The following NEMP2 variants were observed in gnomAD, a reference collection of about 807,000 sequenced individuals.
NEMP2 encodes UPF0571 transmembrane protein.
NEMP2 carries 53 observed loss-of-function variants against 54.2 expected under a neutral mutation model. The observed-to-expected ratio is 0.98, with a 90% CI of 0.78 to 1.23. The LOEUF is 1.23. Among genes scored for constraint, NEMP2 ranks in the 50% most tolerant of loss-of-function variants. The probability of loss-of-function intolerance (pLI) is 0.00; values close to 1 mark genes in which losing one functional copy is unlikely to be tolerated. For synonymous variants in NEMP2, 197 were observed against 190.3 expected (o/e 1.04, Z -0.29); for missense variants, 455 against 511.3 (o/e 0.89, Z 1.06).
chr2:190,641,192 A>G, the NEMP2 span: 1 of 151,948 alleles, frequency 6.6e-6, no homozygotes, highest in Admixed American at 6.6e-5. Flanking sequence ...CAAAATAGTT[A>G]TATCTACTTT....
chr2:190,433,950 G>T, the NEMP2 span, among the ~76,000 whole-genome samples: 4 of 152,122 alleles, frequency 2.6e-5, no homozygotes, highest in Non-Finnish European at 5.9e-5. This position sits in a 1 kb window ranked among gnomAD's most constrained non-coding sequence, Gnocchi z 4.5. Flanking sequence ...CAGCACTTTG[G>T]GAGGCTGAGG....
At chr2:190,442,415 TAGGTAGCCATAGCA>T in the NEMP2 span, among the ~76,000 whole-genome samples, 1 of 151,958 alleles carries the variant, frequency 6.6e-6, no homozygotes, top group African/African-American at 2.4e-5. Flanking sequence ...CTGGAGGCAG[TAGGTAGCCATAGCA>T]AGGTTCAAAG....
At chr2:190,501,341 C>G (rs1340482403), downstream of NEMP2, 1 of 152,146 alleles carries the variant, frequency 6.6e-6, no homozygotes, top group African/African-American at 2.4e-5. Flanking sequence ...TCAGTATATT[C>G]GTTCTCATGA....
chr2:190,534,405 G>C (rs906399385), intron 1 of NEMP2, 154 bp downstream of exon 1: 10 of 1,212,572 alleles, frequency 8.2e-6, no homozygotes, highest in Middle Eastern at 3.2e-4. Flanking sequence ...AGGGCGGGCG[G>C]GGCCTGCCCG....
chr2:190,500,468 T>C, downstream of NEMP2: 1 of 507,024 alleles, frequency 2.0e-6, no homozygotes, highest in Non-Finnish European at 3.5e-6. This position sits in a 1 kb window ranked among gnomAD's most constrained non-coding sequence, Gnocchi z 5.3. Context: ...CTTTCAGTTC[T>C]TTGCTTGGTT....
At chr2:190,429,548 G>A in the NEMP2 span, among the ~76,000 whole-genome samples, 2 of 151,856 alleles carry the variant, frequency 1.3e-5, no homozygotes, top group Non-Finnish European at 2.9e-5. Context: ...GCCTGGTTTC[G>A]AACTCTTGAT....
At chr2:190,566,488 C>T in the NEMP2 span, among the ~76,000 whole-genome samples, 2 of 151,914 alleles carry the variant, frequency 1.3e-5, no homozygotes, top group Admixed American at 6.6e-5. Flanking sequence ...GGTGTGGTGG[C>T]TGAGGTGTGA....
the NEMP2 span, among the ~76,000 whole-genome samples, chr2:190,434,354 A>T: frequency 6.6e-6 from 1 of 152,210 alleles, no homozygotes; most frequent in Non-Finnish European, 1.5e-5. The surrounding 1 kb of genome is among the most constrained non-coding windows in gnomAD (Gnocchi z 4.3). Flanking sequence ...GGAAATTCTG[A>T]TGGGATGCTG....
the NEMP2 span, among the ~76,000 whole-genome samples, chr2:190,543,164 A>C: frequency 1.3e-5 from 2 of 152,142 alleles, no homozygotes; most frequent in African/African-American, 4.8e-5. The surrounding 1 kb of genome is among the most constrained non-coding windows in gnomAD (Gnocchi z 4.7). Context: ...CCAGAGTGCC[A>C]CCTGTCCCAA....
chr2:190,431,972 A>G, the NEMP2 span, among the ~76,000 whole-genome samples: 1 of 152,204 alleles, frequency 6.6e-6, no homozygotes, highest in Non-Finnish European at 1.5e-5. The surrounding 1 kb of genome is among the most constrained non-coding windows in gnomAD (Gnocchi z 4.4). Context: ...CATATATTCA[A>G]AAGTATTTTC....
At chr2:190,515,616 G>C (rs955343571) in intron 6 of NEMP2, among the ~76,000 whole-genome samples, 2 of 152,098 alleles carry the variant, frequency 1.3e-5, no homozygotes, top group African/African-American at 4.8e-5. Context: ...TTTAAAAGTA[G>C]CACAAAAAGA....
chr2:190,632,667 T>C, the NEMP2 span, among the ~76,000 whole-genome samples: 2 of 152,160 alleles, frequency 1.3e-5, no homozygotes, highest in Non-Finnish European at 2.9e-5. This position sits in a 1 kb window ranked among gnomAD's most constrained non-coding sequence, Gnocchi z 4.8. Flanking sequence ...ACCAACTTTG[T>C]TTACCCTGGG....
chr2:190,639,870 G>C, the NEMP2 span, among the ~76,000 whole-genome samples: 1 of 151,900 alleles, frequency 6.6e-6, no homozygotes, highest in African/African-American at 2.4e-5. Context: ...GAATGGTCTC[G>C]ATCTCCTGAC....
the NEMP2 span, among the ~76,000 whole-genome samples, chr2:190,495,787 C>T: frequency 6.6e-6 from 1 of 152,200 alleles, no homozygotes; most frequent in Middle Eastern, 3.4e-3. This position sits in a 1 kb window ranked among gnomAD's most constrained non-coding sequence, Gnocchi z 4.7. Flanking sequence ...ATTGGCAAGC[C>T]ACATGTAGGA....
the NEMP2 span, among the ~76,000 whole-genome samples, chr2:190,561,366 C>T: frequency 6.6e-6 from 1 of 152,252 alleles, no homozygotes; most frequent in African/African-American, 2.4e-5. The surrounding 1 kb of genome is among the most constrained non-coding windows in gnomAD (Gnocchi z 5.4). Flanking sequence ...GTGGCTTAAA[C>T]AACAGGAAAT....
At chr2:190,488,047 C>T in the NEMP2 span, among the ~76,000 whole-genome samples, 17 of 152,244 alleles carry the variant, frequency 1.1e-4, no homozygotes, top group East Asian at 2.7e-3. The surrounding 1 kb of genome is among the most constrained non-coding windows in gnomAD (Gnocchi z 6.4). Context: ...GGACTATAGG[C>T]GTGCACCACC....
chr2:190,564,883 T>A, the NEMP2 span, among the ~76,000 whole-genome samples: 1 of 152,162 alleles, frequency 6.6e-6, no homozygotes, highest in Non-Finnish European at 1.5e-5. The surrounding 1 kb of genome is among the most constrained non-coding windows in gnomAD (Gnocchi z 4.2). Context: ...GGAAAGAGAA[T>A]GGAGGAAGGT....
chr2:190,480,833 T>G, the NEMP2 span, among the ~76,000 whole-genome samples: 3 of 152,330 alleles, frequency 2.0e-5, no homozygotes, highest in South Asian at 6.2e-4. Flanking sequence ...CACAGTTAGC[T>G]TCTAATAAAT....
the NEMP2 span, among the ~76,000 whole-genome samples, chr2:190,592,117 C>A: frequency 6.6e-6 from 1 of 152,092 alleles, no homozygotes; most frequent in Non-Finnish European, 1.5e-5. The surrounding 1 kb of genome is among the most constrained non-coding windows in gnomAD (Gnocchi z 4.4). Context: ...AGACCCCTCC[C>A]CCAGAGGTGC....
Sources: allele counts gnomAD v4.1 joint callset (sites outside exome capture counted in the v4.1 genomes callset), GRCh38; gene constraint gnomAD v4.1.1; non-coding constraint Gnocchi (gnomAD v3.1); transcripts MANE v1.5; gene names NCBI Gene and HGNC (gene_info 2026-07-23, HGNC 2026-07-21).